PBRM1: variants seen among roughly 807,000 people sequenced by gnomAD.
The protein encoded by PBRM1 is polybromo 1.
PBRM1 carries 27 observed loss-of-function variants against 194.5 expected under a neutral mutation model. That is an observed-to-expected ratio of 0.14 (90% CI 0.10 to 0.19). The LOEUF (loss-of-function observed/expected upper bound fraction) is 0.19, where lower values mean the gene tolerates loss of function less well. Among genes scored for constraint, PBRM1 ranks in the 10% least tolerant of loss-of-function variants. PBRM1 has a pLI of 1.00. For synonymous variants in PBRM1, 655 were observed against 693.2 expected, an observed-to-expected ratio of 0.94 and a Z score of 0.87; for missense variants, 1,466 against 2,077.2, an observed-to-expected ratio of 0.71 and a Z score of 5.72.
intron 22 of PBRM1, among the ~76,000 whole-genome samples, chr3:52,570,838 T>C (rs750354366): frequency 1.3e-5 from 2 of 151,948 alleles, no homozygotes; most frequent in African/African-American, 4.8e-5. Context: ...GTTGTGTGTG[T>C]GTGCGCACAT....
intron 2 of PBRM1, among the ~76,000 whole-genome samples, chr3:52,676,852 G>C (rs2097115852): frequency 6.6e-6 from 1 of 152,212 alleles, no homozygotes; most frequent in African/African-American, 2.4e-5. Context: ...AACTTGCTGG[G>C]AATTGGAGTA....
exon 27 of PBRM1, chr3:52,554,767 A>T (rs1234047813): frequency 2.5e-6 from 4 of 1,577,708 alleles, no homozygotes; most frequent in Non-Finnish European, 3.4e-6. Flanking sequence ...CTGGCGGAAG[A>T]TGGTGGGGTG....
intron 20 of PBRM1, among the ~76,000 whole-genome samples, chr3:52,582,411 C>CTTT (rs374555187): frequency 2.3e-5 from 3 of 128,828 alleles, no homozygotes; most frequent in East Asian, 2.4e-4. Context: ...ATTGATAATT[C>CTTT]TTTTTTTTTT....
At chr3:52,670,698 T>C (rs561902206) in intron 2 of PBRM1, among the ~76,000 whole-genome samples, 2 of 152,282 alleles carry the variant, frequency 1.3e-5, no homozygotes, top group East Asian at 3.9e-4. Flanking sequence ...GCATGGCTAC[T>C]AAAGACTATA....
intron 13 of PBRM1, among the ~76,000 whole-genome samples, chr3:52,619,216 T>A (rs1393102823): frequency 1.3e-5 from 2 of 152,196 alleles, no homozygotes; most frequent in Non-Finnish European, 2.9e-5. Context: ...ATTAAAAAAA[T>A]ATTTACTAAG....
intron 22 of PBRM1, among the ~76,000 whole-genome samples, chr3:52,567,734 C>G (rs2085755256): frequency 6.6e-6 from 1 of 150,980 alleles, no homozygotes; most frequent in South Asian, 2.1e-4. Flanking sequence ...CAGGTTCAAG[C>G]AATTATCCTG....
At chr3:52,564,105 A>G (rs747888687) in exon 23 of PBRM1, 6 of 1,613,836 alleles carry the variant, frequency 3.7e-6, no homozygotes, top group South Asian at 1.1e-5. Flanking sequence ...AACCTCTTCA[A>G]TCCTTTGAAT....
exon 29 of PBRM1, chr3:52,550,463 C>T (rs2153370902): frequency 1.3e-6 from 2 of 1,558,708 alleles, no homozygotes; most frequent in Non-Finnish European, 1.7e-6. Context: ...TTGGACTCCG[C>T]ACTGAGTCCT....
At chr3:52,601,145 T>C (rs1303087346) in intron 17 of PBRM1, among the ~76,000 whole-genome samples, 1 of 152,222 alleles carries the variant, frequency 6.6e-6, no homozygotes, top group Non-Finnish European at 1.5e-5. Context: ...GTGGTGTTCG[T>C]TGGGCAGGAT....
chr3:52,646,537 A>G (rs933734400), intron 7 of PBRM1, among the ~76,000 whole-genome samples: 2 of 152,226 alleles, frequency 1.3e-5, no homozygotes, highest in African/African-American at 4.8e-5. Context: ...CAAGTCTGGC[A>G]TAAGGACAGA....
intron 1 of PBRM1, chr3:52,684,921 G>C (rs1295403001): frequency 6.6e-6 from 1 of 152,136 alleles, no homozygotes; most frequent in Non-Finnish European, 1.5e-5. Context: ...CGACCTGTAA[G>C]TAATAAAGCA....
intron 16 of PBRM1, among the ~76,000 whole-genome samples, chr3:52,606,212 T>C (rs138258121): frequency 3.3e-5 from 5 of 152,064 alleles, no homozygotes; most frequent in African/African-American, 4.8e-5. Context: ...TCTTGCTATA[T>C]TGTCCAGACT....
intron 22 of PBRM1, among the ~76,000 whole-genome samples, chr3:52,567,268 T>G (rs1400007102): frequency 6.6e-6 from 1 of 152,104 alleles, no homozygotes; most frequent in Admixed American, 6.5e-5. Context: ...GGTATCTATG[T>G]TGTTTCCCAA....
chr3:52,655,639 T>C (rs1340965918), intron 5 of PBRM1, among the ~76,000 whole-genome samples: 2 of 152,242 alleles, frequency 1.3e-5, no homozygotes, highest in Non-Finnish European at 2.9e-5. Flanking sequence ...TAGAGAATCA[T>C]CATACTGTTT....
intron 11 of PBRM1, among the ~76,000 whole-genome samples, 160 bp downstream of exon 12, chr3:52,634,435 CAAAAAAA>C (rs370025797): frequency 2.2e-5 from 1 of 46,356 alleles, no homozygotes; most frequent in Non-Finnish European, 4.7e-5. Flanking sequence ...GACTCCGTCT[CAAAAAAA>C]AAAAAAAAAA....
intron 29 of PBRM1, among the ~76,000 whole-genome samples, chr3:52,549,588 G>A (rs1250202222): frequency 2.0e-5 from 3 of 152,096 alleles, no homozygotes; most frequent in Non-Finnish European, 2.9e-5. Context: ...ACTAGGCTTT[G>A]AAATTTGGCA....
At chr3:52,630,532 G>A (rs771335083) in intron 11 of PBRM1, among the ~76,000 whole-genome samples, 1 of 152,104 alleles carries the variant, frequency 6.6e-6, no homozygotes, top group Non-Finnish European at 1.5e-5. Context: ...TTTCATCAAC[G>A]CAGAAAGTTC....
chr3:52,574,825 G>A (rs1005635087), intron 22 of PBRM1, among the ~76,000 whole-genome samples: 3 of 152,170 alleles, frequency 2.0e-5, no homozygotes, highest in Non-Finnish European at 4.4e-5. Context: ...ACGTATTTAC[G>A]AAAACCTCTG....
At chr3:52,682,556 AC>A (rs1259023273), upstream of PBRM1, among the ~76,000 whole-genome samples, 1 of 152,224 alleles carries the variant, frequency 6.6e-6, no homozygotes, top group Non-Finnish European at 1.5e-5. Flanking sequence ...AAAAGTTTCA[AC>A]TTAAGGATAA....
Sources: allele counts gnomAD v4.1 joint callset (sites outside exome capture counted in the v4.1 genomes callset), GRCh38; gene constraint gnomAD v4.1.1; transcripts MANE v1.5; gene names NCBI Gene and HGNC (gene_info 2026-07-23, HGNC 2026-07-21).